The following XKR6 variants were observed in gnomAD, a reference collection of about 807,000 sequenced individuals.
XKR6 encodes XK related 6.
A neutral mutation model predicts 56.7 loss-of-function variants in XKR6; 22 were observed. That is an observed-to-expected ratio of 0.39 (90% CI 0.28 to 0.55). XKR6 has a LOEUF of 0.55. Ranked by LOEUF, XKR6 falls within the 20% of genes least tolerant of loss-of-function variation. The pLI, the probability that XKR6 is intolerant of heterozygous loss-of-function variation, is 0.66. For synonymous variants in XKR6, 524 were observed against 387.8 expected (o/e 1.35, Z -4.13); for missense variants, 852 against 889.0 (o/e 0.96, Z 0.53).
chr8:10,942,580 G>A (rs191652242), intron 1 of XKR6, among the ~76,000 whole-genome samples: 65 of 152,348 alleles, frequency 4.3e-4, no homozygotes, highest in African/African-American at 1.5e-3. Flanking sequence ...TTCAGCTGTT[G>A]GACTCACCTC....
intron 1 of XKR6, among the ~76,000 whole-genome samples, chr8:11,059,579 C>G (rs1395394742): frequency 6.6e-6 from 1 of 151,870 alleles, no homozygotes; most frequent in South Asian, 2.1e-4. Context: ...CTCTTCCAGG[C>G]GCGCGGCGGT....
At chr8:11,024,077 T>C (rs1194039798) in intron 1 of XKR6, among the ~76,000 whole-genome samples, 1 of 152,138 alleles carries the variant, frequency 6.6e-6, no homozygotes, top group African/African-American at 2.4e-5. Context: ...CAAAGGTAAA[T>C]GACAATCAAT....
intron 1 of XKR6, among the ~76,000 whole-genome samples, chr8:11,076,550 T>G (rs548712257): frequency 6.6e-6 from 1 of 152,298 alleles, no homozygotes; most frequent in African/African-American, 2.4e-5. Context: ...TCGTGAGCTG[T>G]GCGACCTCAG....
intron 1 of XKR6, among the ~76,000 whole-genome samples, chr8:11,172,346 G>A (rs1489028382): frequency 2.0e-5 from 3 of 152,172 alleles, no homozygotes; most frequent in Non-Finnish European, 2.9e-5. Context: ...CTTCAGCCTG[G>A]TCGACAGACC....
At chr8:10,952,120 T>C (rs1801745157) in intron 1 of XKR6, among the ~76,000 whole-genome samples, 1 of 152,108 alleles carries the variant, frequency 6.6e-6, no homozygotes, top group African/African-American at 2.4e-5. Flanking sequence ...CCAGGCTTTT[T>C]CAAAGCCCCC....
At position 11,200,191 on chromosome 8, in the gene XKR6, G is replaced by A. The variant is rs982460470; in HGVS notation, c.764+385C>T. Among the ~76,000 whole-genome samples, 2 of 152,228 alleles carry A rather than the reference G, an allele frequency of 1.3e-5. No homozygotes were observed. Among genetic ancestry groups the A allele is most frequent in the Admixed American group, 6.5e-5 (1 of 15,290 alleles). ...GGAACAAACCCGAATGCAGCGGCTGGAGGAGGGAAGGCTCCCCGGGGCCGC... is the reference window on the plus strand; with the variant it reads ...GGAACAAACCCGAATGCAGCGGCTGAAGGAGGGAAGGCTCCCCGGGGCCGC... On this transcript the variant is annotated intron_variant, in intron 1 of 2. Transcript: ENST00000416569. This position sits in a 1 kb window ranked among gnomAD's most constrained non-coding sequence, Gnocchi z 6.4.
intron 1 of XKR6, among the ~76,000 whole-genome samples, chr8:11,013,208 A>G (rs1178810861): frequency 6.6e-6 from 1 of 152,212 alleles, no homozygotes; most frequent in African/African-American, 2.4e-5. Context: ...TTGTACAGAC[A>G]AGGGCACCAT....
chr8:11,158,176 C>G (rs562948926), intron 1 of XKR6, among the ~76,000 whole-genome samples: 3 of 152,096 alleles, frequency 2.0e-5, no homozygotes, highest in Non-Finnish European at 4.4e-5. Context: ...AATAATCAAT[C>G]GTCAGCCATA....
At chr8:10,923,800 G>T (rs1162700795) in intron 2 of XKR6, among the ~76,000 whole-genome samples, 1 of 152,198 alleles carries the variant, frequency 6.6e-6, no homozygotes, top group Non-Finnish European at 1.5e-5. Context: ...AGGGAGAGCT[G>T]GGGTATGGAC....
intron 1 of XKR6, among the ~76,000 whole-genome samples, chr8:11,100,137 G>A (rs1246679376): frequency 1.3e-5 from 2 of 151,988 alleles, no homozygotes; most frequent in Non-Finnish European, 2.9e-5. Context: ...CTGCAGTCTC[G>A]ACCTCCCCAG....
At position 11,020,555 on chromosome 8, in the gene XKR6, G is replaced by A. The variant is rs1459273003; in HGVS notation, c.765-95725C>T. ...GCCTGGGAAGTATCACACATGTATC[G>A]GTGAGTTGGGGCTTTGACAGAGAGA... On this transcript the variant is annotated intron_variant, in intron 1 of 2. Transcript: ENST00000416569. Among the ~76,000 whole-genome samples, 10 of 152,238 alleles carry A rather than the reference G, an allele frequency of 6.6e-5. No individual in the cohort carries two copies. In the East Asian group the frequency reaches 1.9e-3, roughly 29 times the overall value.
intron 1 of XKR6, among the ~76,000 whole-genome samples, chr8:11,049,618 A>C (rs1799495090): frequency 6.6e-6 from 1 of 152,170 alleles, no homozygotes; most frequent in Non-Finnish European, 1.5e-5. Flanking sequence ...AGCGAGACCC[A>C]TCCTGCAAGA....
chr8:10,897,925 C>T lies in XKR6; in HGVS notation c.*27G>A. The stretch of plus-strand genomic sequence containing the variant: ...GTTTGCCGCAAACCAAACTTAAGGT[C>T]CCCTTCTCAACTTGGTCAAGATGCT... On this transcript the variant is annotated 3_prime_UTR_variant, in exon 3 of 3. Transcript: ENST00000416569. 6.5e-7 allele frequency: 1 copy of T among 1,527,750 alleles called. No individual in the cohort carries two copies. The highest frequency in any genetic ancestry group is 8.8e-7 in the Non-Finnish European group (1 of 1,138,160). The allele number at this position is 1,527,750 out of a possible 1,614,324, so 94.6% of individuals were successfully genotyped here.
At chr8:11,032,756 C>T (rs1799022163) in intron 1 of XKR6, among the ~76,000 whole-genome samples, 1 of 152,162 alleles carries the variant, frequency 6.6e-6, no homozygotes, top group African/African-American at 2.4e-5. Flanking sequence ...AAACACCCCT[C>T]CAAGCCCTGC....
At position 10,981,483 on chromosome 8, in the gene XKR6, G is replaced by T. The variant is rs367712250; in HGVS notation, c.765-56653C>A. On this transcript the variant is annotated intron_variant, in intron 1 of 2. Coordinates refer to ENST00000416569, the MANE Select transcript of XKR6 (RefSeq NM_173683.4). ...GAAAGAGATGAAGCGTTTCCAGAAA[G>T]TTGCCAGATCTCTCTGAATTCCACT... is the stretch of plus-strand genomic sequence containing the variant. Among the ~76,000 whole-genome samples the T allele has an allele frequency of 2.6e-5, 4 of 152,226 alleles. No homozygotes were observed. In the South Asian group the frequency reaches 8.3e-4, roughly 32 times the overall value.
At chr8:11,086,841 C>T (rs1312902228) in intron 1 of XKR6, among the ~76,000 whole-genome samples, 1 of 152,188 alleles carries the variant, frequency 6.6e-6, no homozygotes, top group Non-Finnish European at 1.5e-5. Context: ...CTGCCAGCAT[C>T]CTCTGAAAAG....
intron 1 of XKR6, among the ~76,000 whole-genome samples, chr8:11,005,656 T>C (rs1163973633): frequency 2.0e-5 from 3 of 152,068 alleles, no homozygotes; most frequent in South Asian, 2.1e-4. Flanking sequence ...TAAGGAAAAA[T>C]ACATCACATT....
intron 2 of XKR6, among the ~76,000 whole-genome samples, chr8:10,912,306 G>GTATATA (rs535084135): frequency 0.02 from 1,127 of 55,142 alleles, 23 homozygotes; most frequent in East Asian, 0.091. Context: ...AAGAGAGGGT[G>GTATATA]TATATATATA....
intron 1 of XKR6, among the ~76,000 whole-genome samples, chr8:11,188,371 T>G (rs1226183167): frequency 2.6e-5 from 4 of 151,590 alleles, no homozygotes; most frequent in African/African-American, 9.8e-5. Flanking sequence ...ACAAACACAT[T>G]CAAATTCTGT....
Sources: gnomAD v4.1 joint callset for allele counts (sites outside exome capture counted in the v4.1 genomes callset) on GRCh38, gnomAD v4.1.1 for gene constraint, Gnocchi (gnomAD v3.1) non-coding constraint, MANE v1.5 for transcripts, NCBI Gene and HGNC (gene_info 2026-07-23, HGNC 2026-07-21) for gene names.